The following TFAP2D variants were observed in gnomAD, a reference collection of about 807,000 sequenced individuals.
TFAP2D encodes transcription factor AP-2-delta.
In TFAP2D, 9 loss-of-function variants were observed where a neutral mutation model predicts 43.6. The ratio of observed to expected loss-of-function variants is 0.21; its 90% CI spans 0.12 to 0.36. The LOEUF (loss-of-function observed/expected upper bound fraction) is 0.36. Among genes scored for constraint, TFAP2D ranks in the 10% least tolerant of loss-of-function variants. The pLI is 1.00. For missense variants in TFAP2D, 513 were observed against 561.4 expected, an observed-to-expected ratio of 0.91 and a Z score of 0.87; for synonymous variants, 256 against 224.9, an observed-to-expected ratio of 1.14 and a Z score of -1.24.
chr6:50,748,378 G>A (rs944686520), intron 6 of TFAP2D, among the ~76,000 whole-genome samples: 2 of 151,644 alleles, frequency 1.3e-5, no homozygotes, highest in African/African-American at 2.4e-5. Flanking sequence ...CATAAGACTT[G>A]GACAACATTA....
chr6:50,760,324 T>C (rs1769345975), intron 7 of TFAP2D, among the ~76,000 whole-genome samples: 1 of 152,098 alleles, frequency 6.6e-6, no homozygotes. Context: ...GATTTTTTTC[T>C]CTGCATTTAA....
intron 7 of TFAP2D, among the ~76,000 whole-genome samples, chr6:50,762,335 A>T (rs1375335868): frequency 6.6e-6 from 1 of 152,020 alleles, no homozygotes; most frequent in Non-Finnish European, 1.5e-5. Context: ...ACAAGTCCAC[A>T]GGTGCACACA....
intron 5 of TFAP2D, among the ~76,000 whole-genome samples, chr6:50,742,595 TAGATAG>T: frequency 6.6e-6 from 1 of 150,926 alleles, no homozygotes; most frequent in South Asian, 2.1e-4. Context: ...GATAGATAGA[TAGATAG>T]ATAGATAGAT....
chr6:50,752,853 T>C (rs7760961), intron 7 of TFAP2D, among the ~76,000 whole-genome samples: 2,940 of 151,908 alleles, frequency 0.019, 100 homozygotes, highest in African/African-American at 0.067. Flanking sequence ...TGTGAGCCCT[T>C]ATATATGTAA....
chr6:50,760,949 A>T (rs1581777681), intron 7 of TFAP2D, among the ~76,000 whole-genome samples: 1 of 150,962 alleles, frequency 6.6e-6, no homozygotes, highest in South Asian at 2.1e-4. Context: ...GAAGGCACTT[A>T]TCTAGTAGCC....
At chr6:50,724,948 C>G (rs1768787266) in intron 3 of TFAP2D, among the ~76,000 whole-genome samples, 1 of 151,940 alleles carries the variant, frequency 6.6e-6, no homozygotes. Flanking sequence ...ATAAGTAGAG[C>G]AAGTGTGAGC....
chr6:50,766,456 A>G (rs1769442408), intron 7 of TFAP2D, among the ~76,000 whole-genome samples: 1 of 152,020 alleles, frequency 6.6e-6, no homozygotes, highest in Non-Finnish European at 1.5e-5. Context: ...TTTAGTATGG[A>G]CATTTAAAAA....
intron 5 of TFAP2D, among the ~76,000 whole-genome samples, chr6:50,735,797 C>G (rs1768954637): frequency 6.6e-6 from 1 of 152,124 alleles, no homozygotes; most frequent in Admixed American, 6.6e-5. Context: ...TCAATGAACT[C>G]TTTCCTATAG....
At chr6:50,760,740 A>C (rs997532909) in intron 7 of TFAP2D, among the ~76,000 whole-genome samples, 2 of 152,020 alleles carry the variant, frequency 1.3e-5, no homozygotes, top group African/African-American at 4.8e-5. Context: ...CTGGAGGATA[A>C]GACCCAGTTA....
chr6:50,743,266 T>C (rs1187363667), intron 5 of TFAP2D, among the ~76,000 whole-genome samples: 1 of 152,240 alleles, frequency 6.6e-6, no homozygotes, highest in African/African-American at 2.4e-5. Context: ...ATATGTTTGC[T>C]TATTGCAATA....
chr6:50,728,768 C>T, intron 3 of TFAP2D, 88 bp from the exon 4 acceptor site: 2 of 1,356,986 alleles, frequency 1.5e-6, no homozygotes, highest in Non-Finnish European at 2.1e-6. Flanking sequence ...ATTCCCAAAT[C>T]CAGAATAGTC....
chr6:50,717,060 T>C (rs1047563822), intron 2 of TFAP2D, among the ~76,000 whole-genome samples: 1 of 152,180 alleles, frequency 6.6e-6, no homozygotes, highest in Non-Finnish European at 1.5e-5. Context: ...CCCTTATGTC[T>C]CAAGAGGGAA....
At chr6:50,733,336 G>A (rs1768919331) in intron 5 of TFAP2D, among the ~76,000 whole-genome samples, 1 of 152,026 alleles carries the variant, frequency 6.6e-6, no homozygotes, top group African/African-American at 2.4e-5. Context: ...CTTGTATGCT[G>A]TTTTATTACA....
intron 7 of TFAP2D, among the ~76,000 whole-genome samples, chr6:50,753,964 C>G (rs1769231573): frequency 6.6e-6 from 1 of 151,896 alleles, no homozygotes; most frequent in South Asian, 2.1e-4. Flanking sequence ...CCTACTATAT[C>G]TTTTTCTTAA....
At chr6:50,733,534 A>G (rs1768921960) in intron 5 of TFAP2D, among the ~76,000 whole-genome samples, 1 of 152,138 alleles carries the variant, frequency 6.6e-6, no homozygotes. Flanking sequence ...TAGAGTGGAA[A>G]CTATTCTCTC....
intron 7 of TFAP2D, among the ~76,000 whole-genome samples, chr6:50,752,213 A>G (rs1769209825): frequency 6.6e-6 from 1 of 151,958 alleles, no homozygotes; most frequent in Admixed American, 6.6e-5. Context: ...CTTAAAGTAT[A>G]ATAATAATAA....
chr6:50,715,262 T>C lies in TFAP2D; in HGVS notation c.186T>C (p.Thr62=), dbSNP rs1462858799. Residue 62 remains threonine (T), a synonymous_variant, in exon 2 of 8, where the codon ACT becomes ACC. Transcript: ENST00000008391. ...GTEFASPYFS[T]NHQYTPLHHQ... ...AGTTTGCGTCCCCCTACTTCTCCAC[T>C]AACCACCAGTACACCCCGCTCCACC... The C allele has an allele frequency of 1.2e-6, 2 of 1,613,738 alleles. No homozygotes were observed. The highest frequency in any genetic ancestry group is 1.3e-5 in the African/African-American group (1 of 74,900).
chr6:50,727,502 A>G (rs956087952), intron 3 of TFAP2D, among the ~76,000 whole-genome samples: 2 of 152,218 alleles, frequency 1.3e-5, no homozygotes, highest in African/African-American at 4.8e-5. Context: ...TTTAATGACC[A>G]TGTGAATCAT....
chr6:50,715,299 C>T lies in TFAP2D; in HGVS notation c.223C>T (p.His75Tyr). 1 of 1,614,108 alleles carries T rather than the reference C, an allele frequency of 6.2e-7. No homozygotes were observed. Among genetic ancestry groups the T allele is most frequent in the Non-Finnish European group, 8.5e-7 (1 of 1,179,998 alleles). The change falls in exon 2 of 8, where the codon CAT becomes TAT. Residue 75 changes from histidine to tyrosine, a missense_variant. Physicochemically the swap from His to Tyr is moderately conservative, Grantham distance 83 (BLOSUM62 2). Around this residue, in one of 3 missense-constraint regions of TFAP2D, gnomAD observed 311 missense variants for 316.2 expected, o/e 0.98. Transcript: ENST00000008391. The part of the protein sequence containing the change: ...QYTPLHHQSF[H>Y]YEFQHSHPAV... ...CACCCCGCTCCACCACCAGTCCTTC[C>T]ATTACGAGTTTCAGCACAGCCACCC...
Sources: allele counts gnomAD v4.1 joint callset (sites outside exome capture counted in the v4.1 genomes callset), GRCh38; gene constraint gnomAD v4.1.1; regional missense constraint gnomAD v4.1.1; transcripts MANE v1.5; gene names NCBI Gene and HGNC (gene_info 2026-07-23, HGNC 2026-07-21).